The following RARB variants were observed in gnomAD, a reference collection of about 807,000 sequenced individuals.
RARB encodes the protein HBV-activated protein.
A neutral mutation model predicts 51.9 loss-of-function variants in RARB; 17 were observed. The ratio of observed to expected loss-of-function variants is 0.33; its 90% confidence interval spans 0.22 to 0.49. The LOEUF (loss-of-function observed/expected upper bound fraction) is 0.49, where lower values mean the gene tolerates loss of function less well. RARB is among the 20% of genes least tolerant of loss of function. The pLI is 0.99. For missense variants in RARB, 369 were observed against 550.8 expected (o/e 0.67, Z 3.30); for synonymous variants, 215 against 195.4 (o/e 1.10, Z -0.84).
chr3:25,444,503 CTTA>C (rs1197755068), intron 1 of RARB, among the ~76,000 whole-genome samples: 1 of 152,092 alleles, frequency 6.6e-6, no homozygotes, highest in Admixed American at 6.6e-5. Flanking sequence ...ACACATCAGG[CTTA>C]TTATTTACAG....
chr3:25,364,824 G>A (rs542959415), intron 5 of RARB, among the ~76,000 whole-genome samples: 9 of 152,204 alleles, frequency 5.9e-5, no homozygotes, highest in South Asian at 2.1e-4. Flanking sequence ...CATGTGAAAC[G>A]GGTAAAATTT....
chr3:25,383,816 G>A (rs1381162029), intron 5 of RARB, among the ~76,000 whole-genome samples: 1 of 151,790 alleles, frequency 6.6e-6, no homozygotes, highest in African/African-American at 2.4e-5. Flanking sequence ...TGTAATCCCA[G>A]CTACTCGGGA....
At chr3:24,940,524 C>A (rs919227815) in intron 2 of RARB, among the ~76,000 whole-genome samples, 1 of 152,146 alleles carries the variant, frequency 6.6e-6, no homozygotes, top group African/African-American at 2.4e-5. Flanking sequence ...TCTGGCCAAG[C>A]AACAACTCAA....
intron 5 of RARB, among the ~76,000 whole-genome samples, chr3:25,256,575 A>G (rs1645896812): frequency 1.3e-5 from 2 of 152,302 alleles, no homozygotes; most frequent in South Asian, 4.1e-4. Flanking sequence ...AAAGTAGCCC[A>G]TAATCAAACG....
chr3:25,167,172 G>T (rs751121607), intron 4 of RARB, among the ~76,000 whole-genome samples: 1 of 152,160 alleles, frequency 6.6e-6, no homozygotes, highest in Admixed American at 6.5e-5. Flanking sequence ...AGCTGAAAAG[G>T]TTAAGGAATC....
intron 2 of RARB, among the ~76,000 whole-genome samples, chr3:24,904,003 G>C (rs994624238): frequency 6.6e-6 from 1 of 152,132 alleles, no homozygotes; most frequent in Non-Finnish European, 1.5e-5. Context: ...GATGGCCTTG[G>C]TTTCTACCTG....
At chr3:25,254,837 T>G (rs73045970) in intron 5 of RARB, among the ~76,000 whole-genome samples, 13,412 of 152,206 alleles carry the variant, frequency 0.088, 766 homozygotes, top group Non-Finnish European at 0.13. Context: ...TGCCATTACC[T>G]TGGACAACTT....
chr3:24,836,981 A>G (rs973551943), intron 1 of RARB, among the ~76,000 whole-genome samples: 5 of 152,228 alleles, frequency 3.3e-5, no homozygotes, highest in African/African-American at 1.2e-4. Flanking sequence ...AGGCAAATTC[A>G]CCAGCCCCTT....
At position 25,028,624 on chromosome 3, in the gene RARB, T is replaced by G. The variant is rs557924806; in HGVS notation, c.-379-31501T>G. Among the ~76,000 whole-genome samples the G allele has an allele frequency of 4.5e-4, 68 of 152,200 alleles. 1 individual carries two copies. The South Asian group carries it at 0.013, about 29-fold the overall frequency. On this transcript the variant is annotated intron_variant, in intron 2 of 11. Transcript: ENST00000383772. ...AGAAGGAATCATGGGAAAGGGTGTT[T>G]CTGTGGTTTCAAGTGTGTGAGGATA...
At chr3:25,249,185 C>A (rs1204743887) in intron 5 of RARB, among the ~76,000 whole-genome samples, 1 of 151,696 alleles carries the variant, frequency 6.6e-6, no homozygotes, top group Non-Finnish European at 1.5e-5. Context: ...CTTCAAGTTC[C>A]GAAATTCTTT....
chr3:24,867,047 G>A (rs763405419), intron 2 of RARB, among the ~76,000 whole-genome samples: 4 of 152,052 alleles, frequency 2.6e-5, no homozygotes, highest in Non-Finnish European at 5.9e-5. Flanking sequence ...ACGTGAAAAG[G>A]CATCTCAAAA....
intron 2 of RARB, among the ~76,000 whole-genome samples, chr3:24,928,783 C>T (rs1168013658): frequency 5.9e-5 from 9 of 152,028 alleles, no homozygotes; most frequent in Admixed American, 6.6e-5. Flanking sequence ...GATCATTTTT[C>T]TTCCACTTAG....
At chr3:24,912,497 G>C (rs952933761) in intron 2 of RARB, among the ~76,000 whole-genome samples, 2 of 152,246 alleles carry the variant, frequency 1.3e-5, no homozygotes, top group African/African-American at 4.8e-5. Flanking sequence ...ATTGGGTTTA[G>C]TACGGGTGGC....
At chr3:24,930,037 T>C (rs1223338339) in intron 2 of RARB, among the ~76,000 whole-genome samples, 1 of 152,076 alleles carries the variant, frequency 6.6e-6, no homozygotes, top group Non-Finnish European at 1.5e-5. Flanking sequence ...CTATTGACAA[T>C]ATCCTGCAAC....
At chr3:25,042,503 G>T (rs897266545) in intron 2 of RARB, among the ~76,000 whole-genome samples, 1 of 152,194 alleles carries the variant, frequency 6.6e-6, no homozygotes, top group Non-Finnish European at 1.5e-5. Flanking sequence ...TCAGCCATCT[G>T]ATCTGGGTCT....
At chr3:25,212,619 A>G (rs1207620197) in intron 5 of RARB, among the ~76,000 whole-genome samples, 1 of 152,226 alleles carries the variant, frequency 6.6e-6, no homozygotes, top group Non-Finnish European at 1.5e-5. Context: ...TCTGTCTCAA[A>G]AGAAAAAAAG....
intron 4 of RARB, among the ~76,000 whole-genome samples, chr3:25,135,171 G>C (rs1420898138): frequency 1.3e-5 from 2 of 151,734 alleles, no homozygotes; most frequent in Admixed American, 6.6e-5. Flanking sequence ...TCCATCGATA[G>C]AGTAGCCACT....
chr3:25,433,598 T>C (rs1708297476), intron 1 of RARB, among the ~76,000 whole-genome samples: 1 of 152,210 alleles, frequency 6.6e-6, no homozygotes, highest in Non-Finnish European at 1.5e-5. Context: ...CTTAAAAAGT[T>C]GGAGCTGGGG....
chr3:25,161,129 C>T (rs1348690287), intron 4 of RARB, among the ~76,000 whole-genome samples: 2 of 151,976 alleles, frequency 1.3e-5, no homozygotes, highest in African/African-American at 2.4e-5. Flanking sequence ...TCTCCTGCCT[C>T]AGCCTCCTGA....
Sources: gnomAD v4.1 joint callset for allele counts (sites outside exome capture counted in the v4.1 genomes callset) on GRCh38, gnomAD v4.1.1 for gene constraint, MANE v1.5 for transcripts, NCBI Gene and HGNC (gene_info 2026-07-23, HGNC 2026-07-21) for gene names.